The following DCLK2 variants were observed in gnomAD, a reference collection of about 807,000 sequenced individuals.
DCLK2 encodes the protein doublecortin like kinase 2, also known as serine/threonine-protein kinase DCLK2.
A neutral mutation model predicts 78.4 loss-of-function variants in DCLK2; 31 were observed. That is an observed-to-expected ratio of 0.40 (90% CI 0.30 to 0.53). The LOEUF is 0.53. Ranked by LOEUF, DCLK2 falls within the 20% of genes least tolerant of loss-of-function variation. The probability of loss-of-function intolerance (pLI) is 0.61; values close to 1 mark genes in which losing one functional copy is unlikely to be tolerated. For synonymous variants in DCLK2, 407 were observed against 374.9 expected (o/e 1.09, Z -0.99); for missense variants, 872 against 973.7 (o/e 0.90, Z 1.39).
chr4:150,136,106 G>A (rs1480418655), intron 2 of DCLK2, among the ~76,000 whole-genome samples: 1 of 152,188 alleles, frequency 6.6e-6, no homozygotes. Context: ...CGTGGAGAGG[G>A]GAGTGAAACC....
intron 5 of DCLK2, among the ~76,000 whole-genome samples, chr4:150,204,784 C>G (rs1739721154): frequency 6.6e-6 from 1 of 151,906 alleles, no homozygotes; most frequent in South Asian, 2.1e-4. Context: ...CCCAGCTACT[C>G]TGTGGGCTGA....
chr4:150,235,133 C>A (rs1440587135), intron 10 of DCLK2, among the ~76,000 whole-genome samples: 1 of 152,188 alleles, frequency 6.6e-6, no homozygotes, highest in African/African-American at 2.4e-5. Context: ...GTCTGTCCAA[C>A]AGCCCTGATT....
At chr4:150,125,306 C>T (rs1045211855) in intron 2 of DCLK2, among the ~76,000 whole-genome samples, 3 of 152,032 alleles carry the variant, frequency 2.0e-5, no homozygotes, top group Non-Finnish European at 2.9e-5. Context: ...TCAGTTTTAC[C>T]ACTCTATAAT....
chr4:150,132,752 C>T lies in DCLK2; in HGVS notation c.756+29940C>T, dbSNP rs551977395. 2.0e-5 allele frequency among the ~76,000 whole-genome samples: 3 copies of T among 152,216 alleles called. No homozygotes were observed. The South Asian group carries it at 6.2e-4, about 32-fold the overall frequency. On this transcript the variant is annotated intron_variant, in intron 2 of 15. Transcript: ENST00000296550. ...GGACTATAGGCACATGCTACTTCAC[C>T]CAGCTAATTTTTAAATTTCTTATAG...
chr4:150,146,652 G>A (rs1051683414), intron 2 of DCLK2, among the ~76,000 whole-genome samples: 1 of 152,168 alleles, frequency 6.6e-6, no homozygotes, highest in Non-Finnish European at 1.5e-5. Context: ...AAGATCAGAT[G>A]CCATCATACA....
Position 150,256,007 on chromosome 4 carries a change from G to C in DCLK2, c.2074-13G>C. The C allele has an allele frequency of 6.2e-7, 1 of 1,612,014 alleles. No individual in the cohort carries two copies. Among genetic ancestry groups the C allele is most frequent in the Non-Finnish European group, 8.5e-7 (1 of 1,179,284 alleles). ...GCCCGGGTAATGTGTTGTCTCTGCTGTTTCCTCCTCAGAACACGGCTCTAG... is the reference window on the plus strand; with the variant it reads ...GCCCGGGTAATGTGTTGTCTCTGCTCTTTCCTCCTCAGAACACGGCTCTAG... On this transcript the variant is annotated splice_polypyrimidine_tract_variant and intron_variant, in intron 15 of 15. Coordinates refer to ENST00000296550, the MANE Select transcript of DCLK2 (RefSeq NM_001040260.4).
chr4:150,236,589 C>A (rs896580324), intron 10 of DCLK2, among the ~76,000 whole-genome samples: 1 of 152,094 alleles, frequency 6.6e-6, no homozygotes, highest in African/African-American at 2.4e-5. Flanking sequence ...CTTTGGAGTC[C>A]CTGTTCATCT....
rs1281589751 is a variant in DCLK2 at position 150,257,400 on chromosome 4, G to C, written c.*1153G>C. Reference sequence around the variant, plus strand: ...TTGTTAGATTTTGCCTTTTACAAGTGTCCCCAACCTGCAATAAACTTTTCC... The same window carrying C: ...TTGTTAGATTTTGCCTTTTACAAGTCTCCCCAACCTGCAATAAACTTTTCC... On this transcript the variant is annotated 3_prime_UTR_variant, in exon 16 of 16. Coordinates refer to ENST00000296550, the MANE Select transcript of DCLK2 (RefSeq NM_001040260.4). 4 of 152,572 alleles carry C rather than the reference G, an allele frequency of 2.6e-5. No individual in the cohort carries two copies. Among genetic ancestry groups the C allele is most frequent in the Admixed American group, 6.5e-5 (1 of 15,278 alleles). The allele number at this position is 152,572 out of a possible 1,614,324, so 9.5% of individuals were successfully genotyped here.
chr4:150,232,305 C>A, intron 8 of DCLK2, 32 bp from the exon 9 acceptor site: 1 of 1,605,282 alleles, frequency 6.2e-7, no homozygotes, highest in South Asian at 1.1e-5. Flanking sequence ...TCTGTGATTT[C>A]TGATCTCCTC....
At chr4:150,102,405 G>C in intron 1 of DCLK2, 73 bp from the exon 2 acceptor site, 4 of 1,457,096 alleles carry the variant, frequency 2.7e-6, no homozygotes, top group African/African-American at 1.4e-5. Context: ...TGGGTTTCCA[G>C]CATCTGTTCT....
At chr4:150,146,539 T>TTGAG (rs147375446) in intron 2 of DCLK2, among the ~76,000 whole-genome samples, 15,311 of 152,214 alleles carry the variant, frequency 0.1, 1,300 homozygotes, top group South Asian at 0.39. Flanking sequence ...AGTAGAGCAG[T>TTGAG]TGAGAGCTTG....
At chr4:150,140,919 A>G (rs1261878566) in intron 2 of DCLK2, among the ~76,000 whole-genome samples, 6 of 152,216 alleles carry the variant, frequency 3.9e-5, no homozygotes, top group African/African-American at 1.4e-4. Context: ...TTTGTTATTC[A>G]GGTGTTTTCC....
At chr4:150,197,839 A>G (rs1739166992) in intron 3 of DCLK2, among the ~76,000 whole-genome samples, 163 bp from the exon 4 acceptor site, 1 of 152,124 alleles carries the variant, frequency 6.6e-6, no homozygotes, top group Non-Finnish European at 1.5e-5. Context: ...GACTGAAGGT[A>G]AACTCAGGTG....
At chr4:150,136,300 G>A (rs1452007379) in intron 2 of DCLK2, among the ~76,000 whole-genome samples, 1 of 152,194 alleles carries the variant, frequency 6.6e-6, no homozygotes, top group Non-Finnish European at 1.5e-5. Context: ...CCAGGATGTG[G>A]CAGTGGGCTG....
At chr4:150,234,313 A>C (rs1227045957) in intron 10 of DCLK2, among the ~76,000 whole-genome samples, 1 of 152,170 alleles carries the variant, frequency 6.6e-6, no homozygotes. Flanking sequence ...TTTATCATAC[A>C]CTTGTCTGCC....
intron 2 of DCLK2, among the ~76,000 whole-genome samples, chr4:150,182,311 T>A (rs1245433950): frequency 6.6e-6 from 1 of 152,102 alleles, no homozygotes; most frequent in Non-Finnish European, 1.5e-5. Context: ...CCTCCTAAAG[T>A]GATGGAATTA....
At chr4:150,095,665 T>A (rs1174764449) in intron 1 of DCLK2, among the ~76,000 whole-genome samples, 2 of 152,212 alleles carry the variant, frequency 1.3e-5, no homozygotes, top group African/African-American at 4.8e-5. Context: ...TGGATGTGTG[T>A]TGTTAACTTA....
chr4:150,193,237 A>G lies in DCLK2; in HGVS notation c.856A>G (p.Ser286Gly), dbSNP rs756191602. 2.2e-5 allele frequency: 35 copies of G among 1,595,512 alleles called. No homozygotes were observed. Among genetic ancestry groups the G allele is most frequent in the Non-Finnish European group, 2.8e-5 (33 of 1,165,268 alleles). ...CCAAGATGACTTTGTCCTGGATCAT[A>G]GTGGTAAGGCAATTCTTCAGCTAAT... Reference protein sequence around the residue: ...YAQDDFVLDHSECRVLKSSYS... With the variant: ...YAQDDFVLDHGECRVLKSSYS... The change falls in exon 3 of 16, where the codon AGT becomes GGT. Residue 286 changes from serine (S) to glycine (G), a missense_variant. Around this residue, in one of 3 missense-constraint regions of DCLK2, gnomAD observed 567 missense variants for 593.4 expected, o/e 0.96. Transcript: ENST00000296550.
At chr4:150,111,313 G>T (rs1165777510) in intron 2 of DCLK2, among the ~76,000 whole-genome samples, 2 of 151,940 alleles carry the variant, frequency 1.3e-5, no homozygotes, top group African/African-American at 4.8e-5. Context: ...TATGTCATTT[G>T]CCCACTTATT....
Sources: allele counts gnomAD v4.1 joint callset (sites outside exome capture counted in the v4.1 genomes callset), GRCh38; gene constraint gnomAD v4.1.1; regional missense constraint gnomAD v4.1.1; transcripts MANE v1.5; gene names NCBI Gene and HGNC (gene_info 2026-07-23, HGNC 2026-07-21).